Variants in BLTP3A observed in about 807,000 individuals in gnomAD.
The protein encoded by BLTP3A is bridge-like lipid transfer protein family member 3A, also known as ICBP90 binding protein 1.
the BLTP3A span, among the ~76,000 whole-genome samples, chr6:34,833,920 CAAAAAA>C: frequency 1.3e-4 from 6 of 45,066 alleles, no homozygotes; most frequent in Admixed American, 3.2e-4. Flanking sequence ...GACTCCGTCT[CAAAAAA>C]AAAAAAAAAA....
At chr6:34,811,458 G>A in the BLTP3A span, among the ~76,000 whole-genome samples, 4 of 152,156 alleles carry the variant, frequency 2.6e-5, no homozygotes, top group Middle Eastern at 3.2e-3. Flanking sequence ...TCATAGCCAC[G>A]TGCGATGGCT....
chr6:34,861,605 G>A, the BLTP3A span, among the ~76,000 whole-genome samples: 2 of 152,178 alleles, frequency 1.3e-5, no homozygotes, highest in South Asian at 2.1e-4. Flanking sequence ...GTGTGCACTT[G>A]TGGATGGTTA....
chr6:34,829,648 T>C, the BLTP3A span, among the ~76,000 whole-genome samples: 1 of 152,102 alleles, frequency 6.6e-6, no homozygotes, highest in Non-Finnish European at 1.5e-5. Flanking sequence ...TTCTTTTTTT[T>C]TTCTGAGACA....
the BLTP3A span, among the ~76,000 whole-genome samples, chr6:34,798,594 CTTT>C: frequency 7.4e-5 from 7 of 94,480 alleles, no homozygotes; most frequent in Non-Finnish European, 1.4e-4. Flanking sequence ...TTCTTTCTTT[CTTT>C]TTTTTTTTTT....
the BLTP3A span, among the ~76,000 whole-genome samples, chr6:34,841,052 C>CT: frequency 7.5e-4 from 114 of 152,218 alleles, no homozygotes; most frequent in Non-Finnish European, 1.5e-3. Context: ...AGGCTGGTCT[C>CT]TTTAACTCCT....
chr6:34,855,570 C>T, the BLTP3A span: 1 of 1,605,394 alleles, frequency 6.2e-7, no homozygotes. Context: ...GGTGGTTTGG[C>T]TTCTTTGTTC....
At chr6:34,833,510 A>G in the BLTP3A span, among the ~76,000 whole-genome samples, 11 of 151,972 alleles carry the variant, frequency 7.2e-5, no homozygotes, top group Non-Finnish European at 1.0e-4. Flanking sequence ...CCTCACAGAC[A>G]TTATCTAAAT....
At chr6:34,796,342 A>G in the BLTP3A span, among the ~76,000 whole-genome samples, 133 of 152,218 alleles carry the variant, frequency 8.7e-4, no homozygotes, top group Non-Finnish European at 1.6e-3. Flanking sequence ...ATGGTATTCA[A>G]TATGATTTTC....
the BLTP3A span, among the ~76,000 whole-genome samples, chr6:34,849,033 C>G: frequency 1.4e-5 from 2 of 138,766 alleles, no homozygotes; most frequent in Non-Finnish European, 3.0e-5. Context: ...AAGTCTTGCT[C>G]TGTCACCCAG....
the BLTP3A span, chr6:34,877,161 C>T: frequency 6.6e-6 from 1 of 152,658 alleles, no homozygotes; most frequent in Non-Finnish European, 1.5e-5. Context: ...CTTTCAGTAT[C>T]TAATTCTGTT....
At chr6:34,876,294 A>G in the BLTP3A span, 1 of 152,138 alleles carries the variant, frequency 6.6e-6, no homozygotes, top group African/African-American at 2.4e-5. Flanking sequence ...TGTGCTTTTT[A>G]TGGCTCTGAA....
At chr6:34,871,687 T>C in the BLTP3A span, 174 of 1,614,088 alleles carry the variant, frequency 1.1e-4, no homozygotes, top group African/African-American at 1.3e-4. Context: ...GTGTTCCACA[T>C]AGGCGGTGAG....
the BLTP3A span, among the ~76,000 whole-genome samples, chr6:34,809,198 G>A: frequency 2.0e-5 from 3 of 152,046 alleles, no homozygotes; most frequent in African/African-American, 7.2e-5. Flanking sequence ...TTTGAGACCA[G>A]CTTGGGCAAC....
At chr6:34,873,190 A>G in the BLTP3A span, 1 of 152,200 alleles carries the variant, frequency 6.6e-6, no homozygotes, top group Non-Finnish European at 1.5e-5. Context: ...AATTTAAATC[A>G]AGAAAAAATT....
At chr6:34,813,980 A>G in the BLTP3A span, among the ~76,000 whole-genome samples, 2 of 100,158 alleles carry the variant, frequency 2.0e-5, no homozygotes, top group East Asian at 5.5e-4. Flanking sequence ...CCTCCCCAAC[A>G]ACAGTCAGGC....
At chr6:34,873,699 G>A in the BLTP3A span, 1 of 152,100 alleles carries the variant, frequency 6.6e-6, no homozygotes, top group Non-Finnish European at 1.5e-5. Flanking sequence ...TTGGCAAGAT[G>A]GTAAAATAGT....
At chr6:34,795,078 C>T in the BLTP3A span, among the ~76,000 whole-genome samples, 306 of 150,964 alleles carry the variant, frequency 2.0e-3, 1 homozygote, top group African/African-American at 6.8e-3. Context: ...TGAGCCACCA[C>T]GCCTAGCCTT....
chr6:34,807,277 T>A, the BLTP3A span, among the ~76,000 whole-genome samples: 1 of 142,020 alleles, frequency 7.0e-6, no homozygotes, highest in Non-Finnish European at 1.6e-5. Flanking sequence ...GGGAAAGAAT[T>A]TGGGCCCTAA....
the BLTP3A span, among the ~76,000 whole-genome samples, chr6:34,844,423 C>A: frequency 6.6e-6 from 1 of 152,132 alleles, no homozygotes; most frequent in Admixed American, 6.6e-5. Context: ...TACAGGCACT[C>A]GTGACCATGA....
Sources: gnomAD v4.1 joint callset for allele counts (sites outside exome capture counted in the v4.1 genomes callset) on GRCh38, gnomAD v4.1.1 for gene constraint, MANE v1.5 for transcripts, NCBI Gene and HGNC (gene_info 2026-07-23, HGNC 2026-07-21) for gene names.